The following SKAP1 variants were observed in gnomAD, a reference collection of about 807,000 sequenced individuals.
The protein encoded by SKAP1 is src kinase-associated phosphoprotein 1.
SKAP1 carries 44 observed loss-of-function variants against 58.5 expected under a neutral mutation model. The observed-to-expected ratio is 0.75, with a 90% CI of 0.59 to 0.97. SKAP1 has a LOEUF of 0.97. Among genes scored for constraint, SKAP1 ranks in the 50% least tolerant of loss-of-function variants. The probability of loss-of-function intolerance (pLI) is 0.00; values close to 1 mark genes in which losing one functional copy is unlikely to be tolerated. For synonymous variants in SKAP1, 127 were observed against 149.7 expected (o/e 0.85, Z 1.11); for missense variants, 390 against 435.2 (o/e 0.90, Z 0.92).
rs140790259 is a variant in SKAP1 at position 48,324,814 on chromosome 17, C to A, written c.280+21091G>T. On this transcript the variant is annotated intron_variant, in intron 4 of 12. Coordinates refer to ENST00000336915, the MANE Select transcript of SKAP1 (RefSeq NM_003726.4). ...ATTTAAGGTTTTTGTTACATTTTGC[C>A]CAATTTCGACTATACCAAACTATTT... Among the ~76,000 whole-genome samples the A allele has an allele frequency of 4.9e-4, 75 of 152,012 alleles. 1 individual carries two copies. The highest frequency in any genetic ancestry group is 1.3e-3 in the African/African-American group (54 of 41,496).
intron 1 of SKAP1, among the ~76,000 whole-genome samples, chr17:48,416,869 A>C (rs2067737700): frequency 6.6e-6 from 1 of 152,210 alleles, no homozygotes. Context: ...ATATATCACT[A>C]AAATCAAACC....
At position 48,170,638 on chromosome 17, in the gene SKAP1, T is replaced by C; in HGVS notation, c.848A>G (p.Glu283Gly). Residue 283 changes from glutamate to glycine, a missense_variant, in exon 10 of 13, where the codon GAG becomes GGG. Coordinates refer to ENST00000336915, the MANE Select transcript of SKAP1 (RefSeq NM_003726.4). ...TTTTCGTCGAGTGCCACTCTCATCC[T>C]CTTCTAGATCATGCTCTTCATCTGG... ...VLPDEEHDLE[E>G]DESGTRRKGV... 1 of 1,613,870 alleles carries C rather than the reference T, an allele frequency of 6.2e-7. No homozygotes were observed. The highest frequency in any genetic ancestry group is 8.5e-7 in the Non-Finnish European group (1 of 1,179,868).
chr17:48,251,987 T>C (rs2143880280), intron 4 of SKAP1, among the ~76,000 whole-genome samples: 1 of 152,334 alleles, frequency 6.6e-6, no homozygotes, highest in Non-Finnish European at 1.5e-5. Flanking sequence ...TTGTGATGCA[T>C]GTATTAAGTA....
chr17:48,364,691 C>T (rs1246207238), intron 2 of SKAP1, among the ~76,000 whole-genome samples: 1 of 152,004 alleles, frequency 6.6e-6, no homozygotes, highest in African/African-American at 2.4e-5. Context: ...ACAAAACAAA[C>T]AACAACAACA....
chr17:48,378,987 A>G (rs1190439520), intron 2 of SKAP1, among the ~76,000 whole-genome samples: 1 of 152,198 alleles, frequency 6.6e-6, no homozygotes, highest in South Asian at 2.1e-4. Flanking sequence ...TTTTATTCCA[A>G]AAAGGTGGGG....
chr17:48,363,102 T>A (rs1224781210), intron 3 of SKAP1, among the ~76,000 whole-genome samples: 2 of 152,140 alleles, frequency 1.3e-5, no homozygotes, highest in Non-Finnish European at 2.9e-5. Flanking sequence ...CGGAAAAAAA[T>A]ATTTCAATTC....
rs754007456 is a variant in SKAP1 at position 48,363,782 on chromosome 17, G to GACTC, written c.178+3_178+6dup. ...CATAAAACCATACGTGGTCAAAGAG[G>GACTC]ACTCACCTTGGGGCTGAAAATCCCA... On this transcript the variant is annotated splice_region_variant and intron_variant, in intron 3 of 12. Transcript: ENST00000336915. 1.9e-4 allele frequency: 298 copies of GACTC among 1,604,518 alleles called. 2 individuals carry two copies. In the Middle Eastern group the frequency reaches 8.2e-3, roughly 44 times the overall value.
intron 1 of SKAP1, among the ~76,000 whole-genome samples, chr17:48,424,191 T>C (rs1466981355): frequency 6.6e-6 from 1 of 150,838 alleles, no homozygotes; most frequent in African/African-American, 2.4e-5. Flanking sequence ...CCTCACATAG[T>C]GGAAGGAGTA....
chr17:48,210,281 T>G (rs1462045226), intron 4 of SKAP1, among the ~76,000 whole-genome samples: 4 of 152,210 alleles, frequency 2.6e-5, no homozygotes, highest in Non-Finnish European at 5.9e-5. Context: ...CGGAATCACC[T>G]GTCTACTTTT....
rs577290982 is a variant in SKAP1, at chr17:48,142,355, G to A, written c.979-5018C>T. The stretch of plus-strand genomic sequence containing the variant: ...AGGATGCCTGTAATCCCAGCTACTC[G>A]GGAAGCTGAGGCAGGAGAATTGCTT... On this transcript the variant is annotated intron_variant, in intron 11 of 12. Coordinates refer to ENST00000336915, the MANE Select transcript of SKAP1 (RefSeq NM_003726.4). Among the ~76,000 whole-genome samples the A allele has an allele frequency of 4.7e-3, 715 of 152,210 alleles. 3 individuals are homozygous for A. Among genetic ancestry groups the A allele is most frequent in the African/African-American group, 0.016 (668 of 41,526 alleles).
At chr17:48,232,584 G>A (rs1408786941) in intron 4 of SKAP1, among the ~76,000 whole-genome samples, 1 of 152,158 alleles carries the variant, frequency 6.6e-6, no homozygotes, top group Non-Finnish European at 1.5e-5. Flanking sequence ...TAAAGTATAT[G>A]GATATGGGAA....
chr17:48,331,226 C>T (rs937592690), intron 4 of SKAP1, among the ~76,000 whole-genome samples: 3 of 152,048 alleles, frequency 2.0e-5, no homozygotes, highest in Admixed American at 6.5e-5. Context: ...AACACAGAAT[C>T]TTAGTGAGTT....
intron 1 of SKAP1, among the ~76,000 whole-genome samples, chr17:48,409,969 T>G (rs1003443879): frequency 2.6e-5 from 4 of 152,096 alleles, no homozygotes; most frequent in Admixed American, 2.6e-4. Flanking sequence ...AGAAATAAAT[T>G]CACTGAAGGG....
intron 7 of SKAP1, 62 bp from the exon 8 acceptor site, chr17:48,182,519 G>A (rs931496925): frequency 4.2e-6 from 5 of 1,183,536 alleles, no homozygotes; most frequent in African/African-American, 1.5e-5. Flanking sequence ...ATCTTGACAG[G>A]GATGTCCAAG....
At position 48,194,466 on chromosome 17, in the gene SKAP1, T is replaced by C. The variant is rs1209199386; in HGVS notation, c.281-4966A>G. On this transcript the variant is annotated intron_variant, in intron 4 of 12. Coordinates refer to ENST00000336915, the MANE Select transcript of SKAP1 (RefSeq NM_003726.4). ...TCAATAAAAAAGACACGAGAGCTTATGTGAGTCACGGCCTATTTAACCAGC... is the reference window on the plus strand; with the variant it reads ...TCAATAAAAAAGACACGAGAGCTTACGTGAGTCACGGCCTATTTAACCAGC... Among the ~76,000 whole-genome samples, 10 of 152,256 alleles carry C rather than the reference T, an allele frequency of 6.6e-5. No homozygotes were observed. The East Asian group carries it at 1.2e-3, about 18-fold the overall frequency.
intron 4 of SKAP1, among the ~76,000 whole-genome samples, chr17:48,311,060 G>C (rs2066217428): frequency 6.6e-6 from 1 of 152,080 alleles, no homozygotes; most frequent in Admixed American, 6.5e-5. Flanking sequence ...TTGAGTAAAT[G>C]CATGTGCACG....
chr17:48,147,467 A>G (rs7220768), intron 11 of SKAP1, among the ~76,000 whole-genome samples: 84,512 of 152,118 alleles, frequency 0.56, 24,549 homozygotes, highest in East Asian at 0.77. Flanking sequence ...GCTTTCTTAG[A>G]ATATCATACC....
At chr17:48,271,284 AT>A (rs1477585744) in intron 4 of SKAP1, among the ~76,000 whole-genome samples, 2 of 151,160 alleles carry the variant, frequency 1.3e-5, no homozygotes, top group Non-Finnish European at 2.9e-5. Context: ...ATATATATAT[AT>A]TTATTTAAAG....
At chr17:48,206,393 A>G (rs553067444) in intron 4 of SKAP1, among the ~76,000 whole-genome samples, 14 of 152,070 alleles carry the variant, frequency 9.2e-5, no homozygotes, top group African/African-American at 3.4e-4. Flanking sequence ...GTTATCTGGA[A>G]GCTCTATGAA....
Sources: allele counts gnomAD v4.1 joint callset (sites outside exome capture counted in the v4.1 genomes callset), GRCh38; gene constraint gnomAD v4.1.1; transcripts MANE v1.5; gene names NCBI Gene and HGNC (gene_info 2026-07-23, HGNC 2026-07-21).